The following TIAL1 variants were observed in gnomAD, a reference collection of about 807,000 sequenced individuals.
TIAL1 encodes the protein TIA1 cytotoxic granule associated RNA binding protein like 1, also known as nucleolysin TIAR.
Under a neutral mutation model 59.7 loss-of-function variants are expected in TIAL1, and 7 were observed. The ratio of observed to expected loss-of-function variants is 0.12; its 90% CI spans 0.07 to 0.22. The LOEUF (loss-of-function observed/expected upper bound fraction) is 0.22, where lower values mean the gene tolerates loss of function less well. Ranked by LOEUF, TIAL1 falls within the 10% of genes least tolerant of loss-of-function variation. The probability of loss-of-function intolerance (pLI) is 1.00; values close to 1 mark genes in which losing one functional copy is unlikely to be tolerated. For synonymous variants in TIAL1, 149 were observed against 146.3 expected, an observed-to-expected ratio of 1.02 and a Z score of -0.13; for missense variants, 225 against 462.5, an observed-to-expected ratio of 0.49 and a Z score of 4.71.
rs778922908 is a variant in TIAL1, at chr10:119,580,228, T to C, written c.372-218A>G. 2.2e-5 allele frequency: 10 copies of C among 449,662 alleles called. No homozygotes were observed. In the East Asian group the frequency reaches 3.5e-4, roughly 16 times the overall value. 27.9% of individuals were successfully genotyped at this position (449,662 alleles called of 1,614,324 possible). On this transcript the variant is annotated intron_variant, in intron 5 of 11. Coordinates refer to ENST00000436547, the MANE Select transcript of TIAL1 (RefSeq NM_003252.4). ...GTAATAAACATGCAACCTAATCAAA[T>C]AGCCTGTGCTTTCTAAACTAAATGC...
At chr10:119,583,035 A>G (rs936319068) in intron 2 of TIAL1, among the ~76,000 whole-genome samples, 3 of 152,184 alleles carry the variant, frequency 2.0e-5, no homozygotes, top group African/African-American at 7.2e-5. Context: ...ATTAGGATCA[A>G]TACTACAAAT....
chr10:119,588,214 C>T lies in TIAL1; in HGVS notation c.67G>A (p.Val23Ile). Residue 23 changes from valine to isoleucine, a missense_variant, in exon 2 of 12, where the codon GTC becomes ATC. Val to Ile is a conservative substitution (Grantham distance 29, BLOSUM62 3). Coordinates refer to ENST00000436547, the MANE Select transcript of TIAL1 (RefSeq NM_003252.4). ...TGACTGAACAACTGAAGTATAAGGACTTCTGTCACATCTCTGGAAAGGTTA... is the reference window on the plus strand; with the variant it reads ...TGACTGAACAACTGAAGTATAAGGATTTCTGTCACATCTCTGGAAAGGTTA... The part of the protein sequence containing the change: ...VGNLSRDVTE[V>I]LILQLFSQIG... 1.3e-6 allele frequency: 2 copies of T among 1,591,980 alleles called. No individual in the cohort carries two copies. Among genetic ancestry groups the T allele is most frequent in the South Asian group, 1.1e-5 (1 of 87,360 alleles).
chr10:119,580,894 A>G, intron 5 of TIAL1: 1 of 1,089,180 alleles, frequency 9.2e-7, no homozygotes, highest in Non-Finnish European at 1.2e-6. Context: ...ACTTGGACTT[A>G]AGAAAAACTG....
intron 1 of TIAL1, among the ~76,000 whole-genome samples, chr10:119,595,844 C>G (rs984497487): frequency 6.6e-6 from 1 of 152,160 alleles, no homozygotes; most frequent in African/African-American, 2.4e-5. Context: ...AAGTAGCGGG[C>G]GCTAGGCGGG....
At chr10:119,586,916 C>G (rs966373148) in intron 2 of TIAL1, among the ~76,000 whole-genome samples, 1 of 152,222 alleles carries the variant, frequency 6.6e-6, no homozygotes, top group African/African-American at 2.4e-5. Context: ...GTTTTATTCT[C>G]TTCATGGCTT....
intron 5 of TIAL1, chr10:119,580,218 C>T (rs1399577801): frequency 6.3e-6 from 3 of 475,298 alleles, no homozygotes; most frequent in South Asian, 9.0e-5. Context: ...AAACATGCAA[C>T]CTAATCAAAT....
At chr10:119,586,630 A>C (rs1411140227) in intron 2 of TIAL1, among the ~76,000 whole-genome samples, 3 of 152,206 alleles carry the variant, frequency 2.0e-5, no homozygotes, top group Non-Finnish European at 2.9e-5. Flanking sequence ...AGTAAAACCT[A>C]AACTATGTCA....
At chr10:119,583,474 A>C (rs1339827286) in intron 2 of TIAL1, among the ~76,000 whole-genome samples, 1 of 152,214 alleles carries the variant, frequency 6.6e-6, no homozygotes, top group Non-Finnish European at 1.5e-5. Context: ...ATGAATTTCT[A>C]TGAAACTGCA....
At chr10:119,589,153 G>A (rs1175365993) in intron 1 of TIAL1, among the ~76,000 whole-genome samples, 1 of 152,152 alleles carries the variant, frequency 6.6e-6, no homozygotes, top group African/African-American at 2.4e-5. Context: ...CATTTTAGGA[G>A]AGCAGGGTAA....
rs930875790 is a variant in TIAL1, at chr10:119,578,795, A to G, written c.487T>C (p.Leu163=). 1.2e-6 allele frequency: 2 copies of G among 1,614,036 alleles called. No homozygotes were observed. The highest frequency in any genetic ancestry group is 3.3e-5 in the Admixed American group (2 of 59,992). ...TTGGTTCGGATTTGACGACCACCCA[A>G]CCACTGACCGCCCATATGCACAATC... is the stretch of plus-strand genomic sequence containing the variant. The part of the protein sequence containing the change: ...NAIVHMGGQW[L]GGRQIRTNWA... Residue 163 remains leucine (L), a synonymous_variant, in exon 7 of 12, where the codon TTG becomes CTG. Transcript: ENST00000436547.
chr10:119,596,330 C>T (rs1846188173), intron 1 of TIAL1, 104 bp downstream of exon 1: 2 of 1,311,590 alleles, frequency 1.5e-6, no homozygotes, highest in African/African-American at 1.5e-5. Flanking sequence ...GTCAGGGAGC[C>T]GCCTAGAGTC....
chr10:119,584,346 T>C (rs747621187), intron 2 of TIAL1, among the ~76,000 whole-genome samples: 3 of 151,872 alleles, frequency 2.0e-5, no homozygotes, highest in South Asian at 2.1e-4. Context: ...TTGTATTATA[T>C]AAGGAAAGCT....
chr10:119,584,881 C>T (rs913940937), intron 2 of TIAL1, among the ~76,000 whole-genome samples: 4 of 151,602 alleles, frequency 2.6e-5, no homozygotes, highest in East Asian at 1.9e-4. Context: ...GCGAGGTGGG[C>T]GGTTCACGAG....
intron 7 of TIAL1, 46 bp downstream of exon 7, chr10:119,578,680 T>C (rs1433978826): frequency 2.1e-6 from 3 of 1,451,100 alleles, no homozygotes; most frequent in African/African-American, 2.8e-5. Flanking sequence ...TGATACATGA[T>C]TTTGTGAAGA....
chr10:119,577,844 C>T, intron 7 of TIAL1, 108 bp from the exon 8 acceptor site: 1 of 918,520 alleles, frequency 1.1e-6, no homozygotes, highest in Non-Finnish European at 1.7e-6. Context: ...GCACCCAGCA[C>T]TTTGGGAGGC....
chr10:119,575,803 A>T lies in TIAL1; in HGVS notation c.1002-12T>A. ...CAGAAGGTGATTGACTTGGAAGAAA[A>T]AGAAAAAATCTTCAGCAAACACAAG... On this transcript the variant is annotated splice_polypyrimidine_tract_variant and intron_variant, in intron 11 of 11. Coordinates refer to ENST00000436547, the MANE Select transcript of TIAL1 (RefSeq NM_003252.4). 1 of 1,528,542 alleles carries T rather than the reference A, an allele frequency of 6.5e-7. No homozygotes were observed. The highest frequency in any genetic ancestry group is 8.7e-7 in the Non-Finnish European group (1 of 1,143,056). 94.7% of individuals were successfully genotyped at this position (1,528,542 alleles called of 1,614,324 possible).
At chr10:119,594,822 A>G (rs11598154) in intron 1 of TIAL1, among the ~76,000 whole-genome samples, 23,421 of 152,006 alleles carry the variant, frequency 0.15, 2,178 homozygotes, top group African/African-American at 0.25. Context: ...ACGGAGTTTC[A>G]CCGTGTTGGC....
chr10:119,580,924 A>G, intron 5 of TIAL1: 1 of 799,992 alleles, frequency 1.3e-6, no homozygotes, highest in Admixed American at 4.0e-5. Flanking sequence ...GGTATAAATA[A>G]AGATTGAAAA....
intron 1 of TIAL1, among the ~76,000 whole-genome samples, chr10:119,588,575 C>G (rs1191456305): frequency 6.6e-6 from 1 of 152,168 alleles, no homozygotes; most frequent in Non-Finnish European, 1.5e-5. Flanking sequence ...AACTCCTGAC[C>G]TCAGGTGATC....
Sources: gnomAD v4.1 joint callset for allele counts (sites outside exome capture counted in the v4.1 genomes callset) on GRCh38, gnomAD v4.1.1 for gene constraint, MANE v1.5 for transcripts, NCBI Gene and HGNC (gene_info 2026-07-23, HGNC 2026-07-21) for gene names.